GRIK1: variants seen among roughly 807,000 people sequenced by gnomAD.
GRIK1 encodes glutamate receptor ionotropic, kainate 1.
In GRIK1, 69 loss-of-function variants were observed where a neutral mutation model predicts 105.7. That is an observed-to-expected ratio of 0.65 (90% CI 0.54 to 0.80). The LOEUF (loss-of-function observed/expected upper bound fraction) is 0.80, where lower values mean the gene tolerates loss of function less well. GRIK1 is among the 30% of genes least tolerant of loss of function. The probability of loss-of-function intolerance (pLI) is 0.00; values close to 1 mark genes in which losing one functional copy is unlikely to be tolerated. For synonymous variants in GRIK1, 438 were observed against 431.3 expected (o/e 1.02, Z -0.19); for missense variants, 1,109 against 1,167.3 (o/e 0.95, Z 0.73).
intron 1 of GRIK1, among the ~76,000 whole-genome samples, chr21:29,809,115 G>A (rs1302657756): frequency 6.6e-6 from 1 of 152,070 alleles, no homozygotes; most frequent in African/African-American, 2.4e-5. Flanking sequence ...CATGAAAAGT[G>A]GGAAGAAGCA....
At chr21:29,689,559 A>T (rs917367643) in intron 3 of GRIK1, among the ~76,000 whole-genome samples, 169 bp downstream of exon 3, 1 of 152,250 alleles carries the variant, frequency 6.6e-6, no homozygotes, top group Non-Finnish European at 1.5e-5. Context: ...ACAAAAAGAA[A>T]TGTGAATTAT....
Position 29,689,839 on chromosome 21 carries a change from A to T in GRIK1, c.433T>A (p.Leu145Met). ...TCTGGGTAAAGGTTGATGTAAAACAAATCTTTGTTGTCCACCGAGGGGTGT... is the reference window on the plus strand; with the variant it reads ...TCTGGGTAAAGGTTGATGTAAAACATATCTTTGTTGTCCACCGAGGGGTGT... ...WKHPSVDNKD[L>M]FYINLYPDYA... is the part of the protein sequence containing the mutation. The change falls in exon 3 of 18, where the codon TTG becomes ATG. Residue 145 changes from leucine (L) to methionine (M), a missense_variant. Coordinates refer to ENST00000327783, the MANE Select transcript of GRIK1 (RefSeq NM_001330994.2). 1 of 1,614,122 alleles carries T rather than the reference A, an allele frequency of 6.2e-7. No homozygotes were observed. Among genetic ancestry groups the T allele is most frequent in the East Asian group, 2.2e-5 (1 of 44,882 alleles).
At chr21:29,703,117 A>C (rs1221490297) in intron 1 of GRIK1, among the ~76,000 whole-genome samples, 1 of 152,224 alleles carries the variant, frequency 6.6e-6, no homozygotes, top group Admixed American at 6.5e-5. Context: ...ACATAGTTGT[A>C]CTGTACAACA....
intron 1 of GRIK1, among the ~76,000 whole-genome samples, chr21:29,857,085 T>G (rs1180800699): frequency 6.6e-6 from 1 of 152,310 alleles, no homozygotes; most frequent in Middle Eastern, 3.4e-3. Context: ...AGGGGTTTAA[T>G]CCAAGGGGTT....
chr21:29,799,125 T>C (rs1436695019), intron 1 of GRIK1, among the ~76,000 whole-genome samples: 1 of 152,228 alleles, frequency 6.6e-6, no homozygotes, highest in Non-Finnish European at 1.5e-5. Context: ...TCAACCCTTT[T>C]CCTCATATCA....
At chr21:29,882,315 C>T (rs971104311) in intron 1 of GRIK1, among the ~76,000 whole-genome samples, 2 of 152,004 alleles carry the variant, frequency 1.3e-5, no homozygotes, top group African/African-American at 2.4e-5. Context: ...AAGAGTTTGG[C>T]CCATACTTAA....
chr21:29,686,948 G>A (rs1381707436), intron 3 of GRIK1, among the ~76,000 whole-genome samples: 2 of 152,158 alleles, frequency 1.3e-5, no homozygotes, highest in African/African-American at 4.8e-5. Flanking sequence ...CTCATTGCCT[G>A]GGGTCACCTC....
intron 1 of GRIK1, 33 bp downstream of exon 1, chr21:29,939,350 G>A (rs1468111948): frequency 3.9e-6 from 5 of 1,266,924 alleles, no homozygotes; most frequent in Non-Finnish European, 5.6e-6. Flanking sequence ...GACCGACCAC[G>A]TCTCCCGAGC....
chr21:29,657,313 T>A (rs950877884), intron 4 of GRIK1: 19 of 152,210 alleles, frequency 1.2e-4, no homozygotes, highest in Admixed American at 2.6e-4. Flanking sequence ...TATGGAGGCT[T>A]TGGATCCCCT....
At chr21:29,899,241 TG>T (rs1366840831) in intron 1 of GRIK1, among the ~76,000 whole-genome samples, 1 of 152,196 alleles carries the variant, frequency 6.6e-6, no homozygotes, top group Non-Finnish European at 1.5e-5. Context: ...CAGGGCTTTT[TG>T]TTACTTTTGA....
At chr21:29,692,380 C>A (rs2063601164) in intron 2 of GRIK1, among the ~76,000 whole-genome samples, 1 of 152,080 alleles carries the variant, frequency 6.6e-6, no homozygotes, top group Non-Finnish European at 1.5e-5. Flanking sequence ...AGTGATAGAT[C>A]TATCTCTACA....
chr21:29,643,909 T>TC (rs547233155), intron 6 of GRIK1, among the ~76,000 whole-genome samples: 211 of 150,534 alleles, frequency 1.4e-3, no homozygotes, highest in African/African-American at 5.1e-3. Context: ...GGCACACACA[T>TC]GCACACACAC....
intron 1 of GRIK1, among the ~76,000 whole-genome samples, chr21:29,856,209 C>T (rs1186204836): frequency 1.3e-5 from 2 of 151,974 alleles, no homozygotes; most frequent in South Asian, 2.1e-4. Flanking sequence ...AAGCAGAGGA[C>T]CCCAGGCCCC....
At chr21:29,606,018 C>CA (rs34512911) in intron 7 of GRIK1, among the ~76,000 whole-genome samples, 79 of 128,020 alleles carry the variant, frequency 6.2e-4, no homozygotes, top group South Asian at 1.5e-3. Context: ...GAAAATGAAG[C>CA]AAAAAAAAAA....
chr21:29,572,438 C>G (rs919490123), intron 14 of GRIK1, among the ~76,000 whole-genome samples: 1 of 152,082 alleles, frequency 6.6e-6, no homozygotes, highest in African/African-American at 2.4e-5. Context: ...CTCTCGGCTT[C>G]CTTCCTTTGC....
chr21:29,856,199 A>T (rs893103639), intron 1 of GRIK1, among the ~76,000 whole-genome samples: 70 of 152,030 alleles, frequency 4.6e-4, no homozygotes, highest in African/African-American at 1.7e-3. Flanking sequence ...AGCGGGAGAT[A>T]AGCAGAGGAC....
At chr21:29,906,978 G>A (rs867372489) in intron 1 of GRIK1, among the ~76,000 whole-genome samples, 1 of 150,788 alleles carries the variant, frequency 6.6e-6, no homozygotes, top group Non-Finnish European at 1.5e-5. Flanking sequence ...ACTTACTACA[G>A]ACCTGAAATC....
At chr21:29,853,514 G>A (rs1007048017) in intron 1 of GRIK1, among the ~76,000 whole-genome samples, 2 of 152,194 alleles carry the variant, frequency 1.3e-5, no homozygotes, top group Non-Finnish European at 2.9e-5. Context: ...GCCTCCAGTG[G>A]AGAATCATTT....
At chr21:29,718,042 TCTC>T (rs2064221866) in intron 1 of GRIK1, among the ~76,000 whole-genome samples, 1 of 152,174 alleles carries the variant, frequency 6.6e-6, no homozygotes. Context: ...GCTTGGTACT[TCTC>T]CTTCCTGCCA....
Sources: gnomAD v4.1 joint callset for allele counts (sites outside exome capture counted in the v4.1 genomes callset) on GRCh38, gnomAD v4.1.1 for gene constraint, MANE v1.5 for transcripts, NCBI Gene and HGNC (gene_info 2026-07-23, HGNC 2026-07-21) for gene names.